SMPD4: variants seen among roughly 807,000 people sequenced by gnomAD.
SMPD4 encodes sphingomyelin phosphodiesterase 4.
In SMPD4, 58 loss-of-function variants were observed where a neutral mutation model predicts 97.8. The observed-to-expected ratio is 0.59, with a 90% confidence interval of 0.48 to 0.74. SMPD4 has a LOEUF of 0.74. SMPD4 is among the 30% of genes least tolerant of loss of function. SMPD4 has a pLI of 0.00. For missense variants in SMPD4, 853 were observed against 1,080.5 expected (o/e 0.79, Z 2.95); for synonymous variants, 388 against 450.0 (o/e 0.86, Z 1.74).
chr2:130,180,038 A>G (rs1689381967), intron 1 of SMPD4, among the ~76,000 whole-genome samples: 1 of 145,196 alleles, frequency 6.9e-6, no homozygotes, highest in Non-Finnish European at 1.5e-5. Context: ...ATCTGGGCTC[A>G]CTGCAAGCTC....
chr2:130,164,180 G>A (rs1687695916), intron 10 of SMPD4, among the ~76,000 whole-genome samples, 194 bp downstream of exon 10: 1 of 152,132 alleles, frequency 6.6e-6, no homozygotes, highest in African/African-American at 2.4e-5. Flanking sequence ...ACACATCAGG[G>A]TGCAATGCCC....
At chr2:130,160,764 C>A (rs1405142285) in intron 11 of SMPD4, among the ~76,000 whole-genome samples, 2 of 152,070 alleles carry the variant, frequency 1.3e-5, no homozygotes, top group Non-Finnish European at 2.9e-5. Context: ...CCACACCACC[C>A]GTAAGTCCCA....
chr2:130,157,488 G>A (rs978201115), intron 11 of SMPD4, 92 bp from the exon 12 acceptor site: 1 of 1,561,050 alleles, frequency 6.4e-7, no homozygotes, highest in Non-Finnish European at 8.7e-7. Flanking sequence ...CCCTGAGCCA[G>A]TTGCTCTGCT....
At position 130,172,554 on chromosome 2, in the gene SMPD4, A is replaced by G; in HGVS notation, c.508-54T>C. On this transcript the variant is annotated intron_variant, in intron 7 of 19. Transcript: ENST00000680298. ...GGCTCTGGACACTGCCAGGCCACCA[A>G]GCACCAACAAGTGCAGGGAAGCCCT... is the stretch of plus-strand genomic sequence containing the variant. 5 of 1,613,370 alleles carry G rather than the reference A, an allele frequency of 3.1e-6. No individual in the cohort carries two copies. The South Asian group carries it at 5.5e-5, about 18-fold the overall frequency.
chr2:130,174,715 G>GC (rs1320825005), intron 3 of SMPD4, among the ~76,000 whole-genome samples, 199 bp downstream of exon 3: 3 of 152,190 alleles, frequency 2.0e-5, no homozygotes, highest in Non-Finnish European at 4.4e-5. Flanking sequence ...GAGGAACAGA[G>GC]CATCTGTGGC....
At position 130,154,304 on chromosome 2, in the gene SMPD4, C is replaced by T. The variant is rs2599983; in HGVS notation, c.1632G>A (p.Pro544=). The T allele has an allele frequency of 3.5e-4, 569 of 1,609,346 alleles. 2 individuals are homozygous for T. In the African/African-American group the frequency reaches 6.6e-3, roughly 19 times the overall value. The change falls in exon 16 of 20, where the codon CCG becomes CCA. Residue 544 remains proline (P), a synonymous_variant. Transcript: ENST00000680298. ...SLEGQDCKYT[P]MFGPEARTLV... is the part of the protein sequence containing the mutation. The stretch of plus-strand genomic sequence containing the variant: ...GGGTGCGGGCCTCGGGCCCAAACAT[C>T]GGGGTGTACTTGCAGTCCTGGCCCT...
chr2:130,172,765 C>T (rs1213570720), intron 6 of SMPD4, 22 bp downstream of exon 6: 1 of 1,614,056 alleles, frequency 6.2e-7, no homozygotes, highest in African/African-American at 1.3e-5. Context: ...AGCCTCCCTA[C>T]CTCAGGGCCA....
intron 11 of SMPD4, chr2:130,159,600 T>C (rs973372266): frequency 6.8e-6 from 1 of 146,236 alleles, no homozygotes; most frequent in Non-Finnish European, 1.5e-5. Flanking sequence ...ACCATGTCAA[T>C]GCATTCCAGC....
At chr2:130,174,798 C>T (rs111636541) in intron 3 of SMPD4, 116 bp downstream of exon 3, 8 of 684,740 alleles carry the variant, frequency 1.2e-5, no homozygotes, top group African/African-American at 1.1e-4. Flanking sequence ...AATGGCCAGG[C>T]CTCTGTGCCA....
intron 9 of SMPD4, 146 bp downstream of exon 9, chr2:130,167,312 G>T: frequency 9.3e-7 from 1 of 1,073,564 alleles, no homozygotes; most frequent in Non-Finnish European, 1.3e-6. Context: ...GTAGAGACGT[G>T]GTTTCACCAT....
intron 12 of SMPD4, 115 bp from the exon 13 acceptor site, chr2:130,156,790 A>G: frequency 6.5e-7 from 1 of 1,549,534 alleles, no homozygotes; most frequent in Non-Finnish European, 8.7e-7. Context: ...AGCACTGGGC[A>G]CCTCCGGGAG....
In SMPD4 at chr2:130,161,257, A is replaced by G. The variant is rs756468862; in HGVS notation, c.880T>C (p.Tyr294His). 1 of 1,613,992 alleles carries G rather than the reference A, an allele frequency of 6.2e-7. No individual in the cohort carries two copies. ...SPHAKLEVLH[Y>H]RLSVSSALYS... Reference sequence around the variant, plus strand: ...AGGGCGCTGGAGACACTGAGTCGGTAGTGCAGAACCTCCAGCTGAGATAAG... The same window carrying G: ...AGGGCGCTGGAGACACTGAGTCGGTGGTGCAGAACCTCCAGCTGAGATAAG... The change falls in exon 11 of 20, where the codon TAC becomes CAC. Residue 294 changes from tyrosine to histidine, a missense_variant. Coordinates refer to ENST00000680298, the MANE Select transcript of SMPD4 (RefSeq NM_017951.5).
At chr2:130,158,673 G>C (rs775569969) in intron 11 of SMPD4, among the ~76,000 whole-genome samples, 4 of 152,320 alleles carry the variant, frequency 2.6e-5, no homozygotes, top group Non-Finnish European at 5.9e-5. Flanking sequence ...TCCTCTGGTT[G>C]TTTAGCATTG....
intron 9 of SMPD4, among the ~76,000 whole-genome samples, 193 bp downstream of exon 9, chr2:130,167,265 C>T (rs1688025384): frequency 2.0e-5 from 3 of 152,108 alleles, no homozygotes; most frequent in Admixed American, 2.0e-4. Flanking sequence ...GGATTACAGG[C>T]GCCTGCCACC....
At chr2:130,177,555 G>A (rs1396233535) in intron 1 of SMPD4, among the ~76,000 whole-genome samples, 1 of 152,020 alleles carries the variant, frequency 6.6e-6, no homozygotes, top group Non-Finnish European at 1.5e-5. Flanking sequence ...AAATTAGCCG[G>A]GCATGATGGT....
rs1348582930 is a variant in SMPD4 at position 130,167,475 on chromosome 2, A to T, written c.775T>A (p.Ser259Thr). The change falls in exon 9 of 20, where the codon TCA (serine) becomes ACA (threonine). Residue 259 changes from serine (S) to threonine (T), a missense_variant. By Grantham distance (58) the Ser-to-Thr change is moderately conservative. Around this residue, in one of 3 missense-constraint regions of SMPD4, gnomAD observed 313 missense variants for 402.2 expected, o/e 0.78. Transcript: ENST00000680298. The part of the protein sequence containing the change: ...ADPASHEIWR[S>T]ETLLQVFVEM... ...ACTCTCACCTGGAGCAGAGTTTCTGACCTCCAGATCTCGTGGGAGGCGGGG... is the reference window on the plus strand; with the variant it reads ...ACTCTCACCTGGAGCAGAGTTTCTGTCCTCCAGATCTCGTGGGAGGCGGGG... 2 of 1,613,118 alleles carry T rather than the reference A, an allele frequency of 1.2e-6. No individual in the cohort carries two copies. The highest frequency in any genetic ancestry group is 3.3e-5 in the Admixed American group (2 of 59,938).
intron 11 of SMPD4, chr2:130,157,641 A>G: frequency 1.4e-6 from 1 of 710,386 alleles, no homozygotes; most frequent in Non-Finnish European, 2.2e-6. Context: ...CAGCGCCCAC[A>G]CAGCCCTGGG....
At chr2:130,175,741 C>A (rs1688931364) in intron 2 of SMPD4, among the ~76,000 whole-genome samples, 1 of 152,184 alleles carries the variant, frequency 6.6e-6, no homozygotes, top group Non-Finnish European at 1.5e-5. Flanking sequence ...GCTAGAATTT[C>A]AACCTAGAGA....
intron 14 of SMPD4, 113 bp downstream of exon 14, chr2:130,155,922 G>A (rs1449824655): frequency 9.3e-7 from 1 of 1,069,790 alleles, no homozygotes; most frequent in African/African-American, 1.6e-5. Flanking sequence ...GGAGGCCACG[G>A]GGGCCAGGGC....
Sources: gnomAD v4.1 joint callset for allele counts (sites outside exome capture counted in the v4.1 genomes callset) on GRCh38, gnomAD v4.1.1 for gene constraint, gnomAD v4.1.1 regional missense constraint, MANE v1.5 for transcripts, NCBI Gene and HGNC (gene_info 2026-07-23, HGNC 2026-07-21) for gene names.